The following ERBB4 variants were observed in gnomAD, a reference collection of about 807,000 sequenced individuals.
The protein encoded by ERBB4 is receptor tyrosine-protein kinase erbB-4.
In ERBB4, 42 loss-of-function variants were observed where a neutral mutation model predicts 158.0. That is an observed-to-expected ratio of 0.27 (90% confidence interval 0.21 to 0.34). ERBB4 has a LOEUF of 0.34. Ranked by LOEUF, ERBB4 falls within the 10% of genes least tolerant of loss-of-function variation. The probability of loss-of-function intolerance (pLI) is 1.00; values close to 1 mark genes in which losing one functional copy is unlikely to be tolerated. For missense variants in ERBB4, 1,333 were observed against 1,624.1 expected (o/e 0.82, Z 3.08); for synonymous variants, 583 against 558.7 (o/e 1.04, Z -0.61).
intron 1 of ERBB4, among the ~76,000 whole-genome samples, chr2:212,353,631 C>CA: frequency 7.3e-6 from 1 of 137,346 alleles, no homozygotes; most frequent in East Asian, 2.2e-4. Context: ...CACTAGAACA[C>CA]AAAGCTGATA....
intron 4 of ERBB4, among the ~76,000 whole-genome samples, chr2:211,776,784 T>C (rs1575132115): frequency 6.6e-6 from 1 of 152,082 alleles, no homozygotes; most frequent in Non-Finnish European, 1.5e-5. Flanking sequence ...GATTTAGGGG[T>C]ATGTTATATT....
chr2:212,400,574 T>C (rs1456431216), intron 1 of ERBB4, among the ~76,000 whole-genome samples: 1 of 152,198 alleles, frequency 6.6e-6, no homozygotes. Context: ...AGACAAATAG[T>C]TTAGATAGAT....
chr2:212,349,964 AC>A (rs1047511273), intron 1 of ERBB4, among the ~76,000 whole-genome samples: 18 of 152,294 alleles, frequency 1.2e-4, no homozygotes, highest in African/African-American at 3.8e-4. Context: ...CTTGAAAAAA[AC>A]AACTTGATGA....
chr2:211,582,702 T>C (rs953105348), intron 19 of ERBB4, among the ~76,000 whole-genome samples: 1 of 152,278 alleles, frequency 6.6e-6, no homozygotes, highest in African/African-American at 2.4e-5. Context: ...AAAAACCCAC[T>C]CATAAAAAAT....
chr2:211,661,048 G>C (rs772215301), intron 15 of ERBB4, among the ~76,000 whole-genome samples: 8 of 152,106 alleles, frequency 5.3e-5, no homozygotes, highest in Non-Finnish European at 7.4e-5. Flanking sequence ...GCTGGGGAAA[G>C]AGCGGGGAGG....
chr2:212,123,154 C>T (rs894706119), intron 2 of ERBB4, among the ~76,000 whole-genome samples: 1 of 152,210 alleles, frequency 6.6e-6, no homozygotes, highest in Non-Finnish European at 1.5e-5. Context: ...GTAATCCCAG[C>T]ACTTTGGGAG....
rs59327182 is a variant in ERBB4 at position 212,099,144 on chromosome 2, AAAATAAAT to A, written c.234+25600_234+25607del. Among the ~76,000 whole-genome samples the A allele has an allele frequency of 5.3e-3, 751 of 143,010 alleles. 2 individuals carry two copies. The highest frequency in any genetic ancestry group is 0.024 in the East Asian group (116 of 4,834). 93.8% of individuals were successfully genotyped at this position (143,010 alleles called of 152,430 possible). On this transcript the variant is annotated intron_variant, in intron 2 of 27. Coordinates refer to ENST00000342788, the MANE Select transcript of ERBB4 (RefSeq NM_005235.3). ...AGCAACATGGACAGAGCCCCTCTCT[AAAATAAAT>A]AAATAAATAAATAAATAAATAAATA...
At chr2:212,373,286 C>A (rs2090149697) in intron 1 of ERBB4, among the ~76,000 whole-genome samples, 1 of 152,086 alleles carries the variant, frequency 6.6e-6, no homozygotes, top group South Asian at 2.1e-4. Context: ...ACTAAGTTGA[C>A]AGAGCCTAAT....
At chr2:212,165,156 C>T (rs556064189) in intron 1 of ERBB4, among the ~76,000 whole-genome samples, 16 of 151,860 alleles carry the variant, frequency 1.1e-4, no homozygotes, top group South Asian at 1.0e-3. Context: ...ATAAAAGAAC[C>T]TTTATTTGGT....
chr2:212,403,220 G>C (rs897470491), intron 1 of ERBB4, among the ~76,000 whole-genome samples: 3 of 151,980 alleles, frequency 2.0e-5, no homozygotes, highest in Admixed American at 1.3e-4. Context: ...TTTCTCCTAG[G>C]TTTCATTTCT....
chr2:212,477,140 A>T (rs905162864), intron 1 of ERBB4, among the ~76,000 whole-genome samples: 16 of 152,160 alleles, frequency 1.1e-4, no homozygotes, highest in Non-Finnish European at 1.9e-4. Context: ...GAACAATAAT[A>T]ACTACTCAAA....
intron 25 of ERBB4, among the ~76,000 whole-genome samples, chr2:211,407,884 G>A (rs746655806): frequency 9.9e-5 from 15 of 152,182 alleles, no homozygotes; most frequent in Non-Finnish European, 1.8e-4. Context: ...GAAAGCTGAT[G>A]AGCCGGCCCA....
At chr2:211,872,314 G>A (rs139765537) in intron 3 of ERBB4, among the ~76,000 whole-genome samples, 1 of 152,124 alleles carries the variant, frequency 6.6e-6, no homozygotes, top group Non-Finnish European at 1.5e-5. Context: ...CACAGAGAAA[G>A]TATTGTAAGA....
intron 3 of ERBB4, among the ~76,000 whole-genome samples, chr2:211,914,683 A>G (rs1003482863): frequency 6.6e-6 from 1 of 152,158 alleles, no homozygotes; most frequent in African/African-American, 2.4e-5. Flanking sequence ...AAAAATACAC[A>G]TAATCAAAAT....
chr2:211,852,276 C>G (rs1395255033), intron 3 of ERBB4, among the ~76,000 whole-genome samples: 1 of 151,826 alleles, frequency 6.6e-6, no homozygotes, highest in Non-Finnish European at 1.5e-5. Flanking sequence ...ACATTTAAAT[C>G]TTTTTAAAAA....
intron 1 of ERBB4, among the ~76,000 whole-genome samples, chr2:212,342,478 A>T (rs2106322518): frequency 6.6e-6 from 1 of 152,292 alleles, no homozygotes; most frequent in African/African-American, 2.4e-5. Flanking sequence ...CTCTCTAGCC[A>T]TGTGGAACTG....
intron 20 of ERBB4, among the ~76,000 whole-genome samples, chr2:211,530,775 A>G (rs2066476590): frequency 6.6e-6 from 1 of 152,130 alleles, no homozygotes; most frequent in South Asian, 2.1e-4. Context: ...TTGTAGTTCC[A>G]GATACTCAGG....
chr2:211,692,652 T>C (rs932602928), intron 12 of ERBB4, among the ~76,000 whole-genome samples: 8 of 152,156 alleles, frequency 5.3e-5, no homozygotes, highest in African/African-American at 1.7e-4. Context: ...TCCCATCACC[T>C]TTTCCTTTAC....
Position 211,788,924 on chromosome 2 carries a change from C to T in ERBB4, c.422-765G>A, listed in dbSNP as rs137906603. Among the ~76,000 whole-genome samples the T allele has an allele frequency of 2.2e-3, 338 of 152,224 alleles. 4 individuals are homozygous for T. Among genetic ancestry groups the T allele is most frequent in the African/African-American group, 7.5e-3 (312 of 41,542 alleles). On this transcript the variant is annotated intron_variant, in intron 3 of 27. Transcript: ENST00000342788. ...CCTGTGGTTCACTGAAGTAAGGATA[C>T]GGCTGTGGGATAACATGCACTAAAG...
Sources: allele counts gnomAD v4.1 joint callset (sites outside exome capture counted in the v4.1 genomes callset), GRCh38; gene constraint gnomAD v4.1.1; transcripts MANE v1.5; gene names NCBI Gene and HGNC (gene_info 2026-07-23, HGNC 2026-07-21).